THOC3: variants seen among roughly 807,000 people sequenced by gnomAD.
THOC3 encodes the protein TEX1 homolog.
A neutral mutation model predicts 23.3 loss-of-function variants in THOC3; 4 were observed. The observed-to-expected ratio is 0.17, with a 90% confidence interval of 0.08 to 0.39. THOC3 has a LOEUF of 0.39. Among genes scored for constraint, THOC3 ranks in the 10% least tolerant of loss-of-function variants. THOC3 has a pLI of 1.00. For synonymous variants in THOC3, 27 were observed against 141.5 expected, an observed-to-expected ratio of 0.19 and a Z score of 5.74; for missense variants, 64 against 359.4, an observed-to-expected ratio of 0.18 and a Z score of 6.65.
rs1314013403 is a variant in THOC3 at position 175,959,727 on chromosome 5, T to C, written c.*242A>G. The C allele has an allele frequency of 8.3e-6, 1 of 120,540 alleles. No homozygotes were observed. Among genetic ancestry groups the C allele is most frequent in the African/African-American group, 4.2e-5 (1 of 23,542 alleles). 7.5% of individuals were successfully genotyped at this position (120,540 alleles called of 1,614,324 possible). Reference sequence around the variant, plus strand: ...AAGACAGGAGGTCCAGAGGACAAGGTATGGTGGGGTCACTACTCGCACTGC... The same window carrying C: ...AAGACAGGAGGTCCAGAGGACAAGGCATGGTGGGGTCACTACTCGCACTGC... On this transcript the variant is annotated 3_prime_UTR_variant, in exon 6 of 6. Coordinates refer to ENST00000265097, the MANE Select transcript of THOC3 (RefSeq NM_032361.4).
intron 3 of THOC3, among the ~76,000 whole-genome samples, chr5:175,962,522 T>C (rs1369424568): frequency 1.3e-4 from 2 of 15,116 alleles, no homozygotes; most frequent in Non-Finnish European, 2.7e-4. Context: ...GTAAGGCTCC[T>C]TTTTTTTTTT....
intron 5 of THOC3, 118 bp downstream of exon 5, chr5:175,960,933 T>TTCATG: frequency 1.7e-6 from 1 of 574,412 alleles, no homozygotes; most frequent in South Asian, 2.0e-5. Context: ...AACATACTTG[T>TTCATG]CTAAAGGAGA....
intron 2 of THOC3, among the ~76,000 whole-genome samples, chr5:175,965,968 G>A (rs1225355991): frequency 1.3e-5 from 2 of 152,276 alleles, no homozygotes; most frequent in African/African-American, 2.4e-5. Context: ...AAGGTAGGCA[G>A]ATCACTTGAG....
At chr5:175,964,852 T>G in intron 3 of THOC3, 99 bp downstream of exon 3, 1 of 572,272 alleles carries the variant, frequency 1.7e-6, no homozygotes, top group Non-Finnish European at 3.0e-6. Flanking sequence ...TATTTGTGTT[T>G]TAAGCTCCTT....
chr5:175,968,036 A>C lies in THOC3; in HGVS notation c.173T>G (p.Val58Gly), dbSNP rs1581131654. The change falls in exon 1 of 6, where the codon GTG becomes GGG. Residue 58 changes from valine to glycine, a missense_variant. Val to Gly is a moderately radical substitution (Grantham distance 109). Transcript: ENST00000265097. ...GTCGCAACTCCAGGCCACCGAGTGC[A>C]CCTTGGCGCTGTGCGCCAGGAACTC... ...TREFLAHSAK[V>G]HSVAWSCDGR... 1 of 1,611,170 alleles carries C rather than the reference A, an allele frequency of 6.2e-7. No homozygotes were observed. The highest frequency in any genetic ancestry group is 1.1e-5 in the South Asian group (1 of 90,928).
chr5:175,965,128 G>A lies in THOC3; in HGVS notation c.452C>T (p.Pro151Leu). Residue 151 changes from proline to leucine, a missense_variant, in exon 3 of 6, where the codon CCT (proline) becomes CTT (leucine). By Grantham distance (98) the Pro-to-Leu change is moderately conservative. Coordinates refer to ENST00000265097, the MANE Select transcript of THOC3 (RefSeq NM_032361.4). ...GCCTACAGCAATGGTCTGCCCATCAGGACTCCAGCAGATATTAATGTTCTC... is the reference window on the plus strand; with the variant it reads ...GCCTACAGCAATGGTCTGCCCATCAAGACTCCAGCAGATATTAATGTTCTC... ...KGENINICWS[P>L]DGQTIAVGNK... 6.5e-7 allele frequency: 1 copy of A among 1,537,524 alleles called. No individual in the cohort carries two copies. Among genetic ancestry groups the A allele is most frequent in the South Asian group, 1.3e-5 (1 of 75,540 alleles).
intron 3 of THOC3, among the ~76,000 whole-genome samples, chr5:175,962,133 A>T (rs1466639487): frequency 3.9e-5 from 6 of 152,006 alleles, no homozygotes; most frequent in African/African-American, 1.5e-4. Flanking sequence ...TATATGCAAA[A>T]ACCAAAAACA....
intron 3 of THOC3, among the ~76,000 whole-genome samples, chr5:175,963,379 T>C (rs1446868667): frequency 3.9e-5 from 6 of 152,306 alleles, no homozygotes; most frequent in African/African-American, 1.4e-4. Flanking sequence ...ATTTTTTTTT[T>C]TTTTAATGAG....
intron 5 of THOC3, 181 bp downstream of exon 5, chr5:175,960,866 CTGTT>C: frequency 1.6e-6 from 1 of 633,350 alleles, no homozygotes; most frequent in South Asian, 1.8e-5. Context: ...TCAGACCTGC[CTGTT>C]TATTTCTTAA....
Position 175,968,062 on chromosome 5 carries a change from G to A in THOC3, c.147C>T (p.Arg49=), listed in dbSNP as rs1160920147. Reference sequence around the variant, plus strand: ...CCTTGGCGCTGTGCGCCAGGAACTCGCGCGTCTTGCTGTGGCCCCGGAACA... The same window carrying A: ...CCTTGGCGCTGTGCGCCAGGAACTCACGCGTCTTGCTGTGGCCCCGGAACA... ...QELFRGHSKT[R]EFLAHSAKVH... Residue 49 remains arginine (R), a synonymous_variant, in exon 1 of 6, where the codon CGC becomes CGT. Coordinates refer to ENST00000265097, the MANE Select transcript of THOC3 (RefSeq NM_032361.4). 6.2e-6 allele frequency: 10 copies of A among 1,611,608 alleles called. No individual in the cohort carries two copies. The highest frequency in any genetic ancestry group is 8.5e-6 in the Non-Finnish European group (10 of 1,179,750).
intron 2 of THOC3, among the ~76,000 whole-genome samples, chr5:175,966,768 C>T (rs1426468172): frequency 1.3e-5 from 2 of 151,654 alleles, no homozygotes; most frequent in Admixed American, 6.6e-5. Context: ...TCCCATTCCC[C>T]ACCCACAGCA....
Position 175,968,014 on chromosome 5 carries a change from G to A in THOC3, c.195C>T (p.Cys65=). Residue 65 remains cysteine, a synonymous_variant, in exon 1 of 6, where the codon TGC becomes TGT. Transcript: ENST00000265097. ...ACCCCGAGGCTAGGCGACGCCCGTC[G>A]CAACTCCAGGCCACCGAGTGCACCT... ...SAKVHSVAWS[C]DGRRLASGSF... is the part of the protein sequence containing the mutation. 11 of 1,609,702 alleles carry A rather than the reference G, an allele frequency of 6.8e-6. No homozygotes were observed. The highest frequency in any genetic ancestry group is 2.2e-5 in the South Asian group (2 of 90,752).
intron 1 of THOC3, chr5:175,967,650 G>A: frequency 2.7e-6 from 1 of 368,888 alleles, no homozygotes; most frequent in South Asian, 2.6e-5. Context: ...TCCCATCGCA[G>A]CCCTGTCCCA....
intron 3 of THOC3, among the ~76,000 whole-genome samples, chr5:175,962,611 G>A (rs1175999076): frequency 7.1e-6 from 1 of 141,614 alleles, no homozygotes; most frequent in Non-Finnish European, 1.5e-5. Flanking sequence ...TACAACCTCC[G>A]CCTCCCGGGT....
intron 3 of THOC3, among the ~76,000 whole-genome samples, chr5:175,964,414 T>C (rs1347841832): frequency 2.6e-5 from 4 of 152,196 alleles, no homozygotes; most frequent in Non-Finnish European, 4.4e-5. Context: ...AGGTCGGGAG[T>C]TGGAGACCAG....
intron 3 of THOC3, among the ~76,000 whole-genome samples, chr5:175,961,970 T>A (rs1407957819): frequency 6.7e-6 from 1 of 149,890 alleles, no homozygotes; most frequent in Non-Finnish European, 1.5e-5. Context: ...ATTAAAAAAA[T>A]GACTAGAGAC....
intron 2 of THOC3, among the ~76,000 whole-genome samples, chr5:175,966,568 G>A (rs1372198863): frequency 6.2e-4 from 45 of 73,000 alleles, no homozygotes; most frequent in African/African-American, 7.7e-4. Flanking sequence ...TTTCCTAATG[G>A]AACATCTTAC....
chr5:175,966,381 A>G (rs1756767328), intron 2 of THOC3, among the ~76,000 whole-genome samples: 1 of 151,216 alleles, frequency 6.6e-6, no homozygotes, highest in Non-Finnish European at 1.5e-5. Flanking sequence ...GCCTCCAGAG[A>G]TAAGTCTTGT....
chr5:175,965,526 G>A (rs1756748570), intron 2 of THOC3, among the ~76,000 whole-genome samples: 1 of 152,248 alleles, frequency 6.6e-6, no homozygotes, highest in Non-Finnish European at 1.5e-5. Flanking sequence ...CTGGGTTCAC[G>A]CCATTCTCTC....
Sources: gnomAD v4.1 joint callset for allele counts (sites outside exome capture counted in the v4.1 genomes callset) on GRCh38, gnomAD v4.1.1 for gene constraint, MANE v1.5 for transcripts, NCBI Gene and HGNC (gene_info 2026-07-23, HGNC 2026-07-21) for gene names.